Variants in DIAPH2 observed in about 807,000 individuals in gnomAD.
The protein encoded by DIAPH2 is protein diaphanous homolog 2.
Under a neutral mutation model 92.7 loss-of-function variants are expected in DIAPH2, and 35 were observed. The ratio of observed to expected loss-of-function variants is 0.38; its 90% confidence interval spans 0.29 to 0.50. DIAPH2 has a LOEUF of 0.50. DIAPH2 is among the 20% of genes least tolerant of loss of function. DIAPH2 has a pLI of 0.94. For synonymous variants in DIAPH2, 301 were observed against 280.4 expected (o/e 1.07, Z -0.73); for missense variants, 701 against 819.5 (o/e 0.86, Z 1.77).
intron 4 of DIAPH2, among the ~76,000 whole-genome samples, chrX:96,781,540 A>C (rs2064417899): frequency 9.0e-6 from 1 of 111,397 alleles, no homozygotes; most frequent in African/African-American, 3.3e-5. Flanking sequence ...TACTTTGAGT[A>C]ATTAGGATAA....
intron 26 of DIAPH2, chrX:97,449,779 A>G (rs774079468): frequency 8.0e-4 from 272 of 341,405 alleles, no homozygotes; most frequent in Non-Finnish European, 9.8e-4. Flanking sequence ...GGTGCCCTTT[A>G]GTGGGTCCCA....
chrX:97,253,692 G>T lies in DIAPH2; in HGVS notation c.2844+5853G>T, dbSNP rs755640149. Among the ~76,000 whole-genome samples the T allele has an allele frequency of 2.1e-4, 23 of 111,431 alleles. No individual in the cohort carries two copies. The East Asian group carries it at 3.1e-3, about 15-fold the overall frequency. On this transcript the variant is annotated intron_variant, in intron 23 of 26. Transcript: ENST00000324765. ...TTGAACCCGGGCAGCAGAGGTTGCA[G>T]TGAGCCGAGATTGTGCCACTGCACT... is the stretch of plus-strand genomic sequence containing the variant.
rs145504589 is a variant in DIAPH2, at chrX:97,293,097, G to C, written c.2844+45258G>C. 2.7e-4 allele frequency among the ~76,000 whole-genome samples: 30 copies of C among 110,382 alleles called. No homozygotes were observed. The East Asian group carries it at 8.6e-3, about 32-fold the overall frequency. ...GATGTGTGAGCCTACAAAAGACTTA[G>C]GCCAACAAATCTACTCTTAGAGATT... On this transcript the variant is annotated intron_variant, in intron 23 of 26. Transcript: ENST00000324765.
At chrX:96,725,246 G>A (rs1476580859) in intron 1 of DIAPH2, among the ~76,000 whole-genome samples, 5 of 111,838 alleles carry the variant, frequency 4.5e-5, no homozygotes, top group Non-Finnish European at 9.4e-5. Flanking sequence ...TCACTATGTT[G>A]AGAAAGAATC....
At chrX:97,587,954 A>G (rs1426748634) in intron 26 of DIAPH2, among the ~76,000 whole-genome samples, 3 of 111,936 alleles carry the variant, frequency 2.7e-5, no homozygotes, top group Non-Finnish European at 5.6e-5. Flanking sequence ...AAAGATGTGA[A>G]CCCATATGTA....
At chrX:96,999,537 AT>A (rs2066129100) in intron 17 of DIAPH2, among the ~76,000 whole-genome samples, 1 of 107,837 alleles carries the variant, frequency 9.3e-6, no homozygotes, top group Non-Finnish European at 1.9e-5. Flanking sequence ...AATTTCGAAT[AT>A]AGCTCTTCTG....
intron 17 of DIAPH2, among the ~76,000 whole-genome samples, chrX:97,023,852 T>C (rs187100778): frequency 2.7e-4 from 30 of 112,413 alleles, no homozygotes; most frequent in African/African-American, 9.3e-4. Flanking sequence ...TCAAATACCT[T>C]ATCTTAGCAG....
At chrX:96,864,555 G>A (rs2065092757) in intron 4 of DIAPH2, among the ~76,000 whole-genome samples, 1 of 111,776 alleles carries the variant, frequency 8.9e-6, no homozygotes, top group South Asian at 3.7e-4. Flanking sequence ...TGTTCTGAAG[G>A]CAGTGGGTAC....
chrX:97,519,497 T>A (rs1023222917), intron 26 of DIAPH2, among the ~76,000 whole-genome samples: 3 of 112,057 alleles, frequency 2.7e-5, no homozygotes, highest in Non-Finnish European at 5.6e-5. Flanking sequence ...AATGCTTAGA[T>A]GTCTTTAAAA....
chrX:97,344,408 T>A (rs769481429), intron 23 of DIAPH2, among the ~76,000 whole-genome samples: 28 of 111,781 alleles, frequency 2.5e-4, no homozygotes, highest in South Asian at 1.1e-3. Flanking sequence ...AGATCCTGTC[T>A]CTAAAAAATA....
intron 23 of DIAPH2, among the ~76,000 whole-genome samples, chrX:97,345,935 G>T (rs1315463873): frequency 9.0e-6 from 1 of 111,024 alleles, no homozygotes; most frequent in Non-Finnish European, 1.9e-5. Context: ...GTAAAAAAGG[G>T]CCATTTATAT....
chrX:96,729,481 TCACA>T (rs1402991347), intron 1 of DIAPH2, among the ~76,000 whole-genome samples: 2 of 111,800 alleles, frequency 1.8e-5, no homozygotes, highest in Non-Finnish European at 3.8e-5. Flanking sequence ...ATCAGGTTTG[TCACA>T]CACAGACTGC....
At chrX:96,995,182 A>G (rs1250995383) in intron 17 of DIAPH2, among the ~76,000 whole-genome samples, 2 of 111,526 alleles carry the variant, frequency 1.8e-5, no homozygotes, top group African/African-American at 6.5e-5. Flanking sequence ...GCTTAAAGTC[A>G]GATAAAGGCA....
intron 5 of DIAPH2, among the ~76,000 whole-genome samples, chrX:96,891,057 T>G (rs1039183435): frequency 8.9e-6 from 1 of 111,909 alleles, no homozygotes; most frequent in African/African-American, 3.2e-5. Flanking sequence ...AATTTATATA[T>G]ACTAATGTGT....
intron 17 of DIAPH2, among the ~76,000 whole-genome samples, chrX:96,995,793 A>G (rs945096392): frequency 2.8e-5 from 3 of 108,799 alleles, no homozygotes; most frequent in South Asian, 8.0e-4. Flanking sequence ...TATAGGCAGT[A>G]ATGTGTAGAA....
At chrX:96,855,553 G>C (rs2065034210) in intron 4 of DIAPH2, among the ~76,000 whole-genome samples, 1 of 108,514 alleles carries the variant, frequency 9.2e-6, no homozygotes, top group Non-Finnish European at 1.9e-5. Flanking sequence ...GATAGACTAA[G>C]ATATAAATAT....
intron 17 of DIAPH2, among the ~76,000 whole-genome samples, chrX:97,029,146 C>CTTTTTT (rs34551722): frequency 6.5e-5 from 6 of 92,684 alleles, no homozygotes; most frequent in Non-Finnish European, 8.7e-5. Flanking sequence ...TTTTCTTTTT[C>CTTTTTT]TTTTTTTTTT....
At chrX:97,220,818 C>T (rs2067918665) in intron 22 of DIAPH2, among the ~76,000 whole-genome samples, 1 of 112,039 alleles carries the variant, frequency 8.9e-6, no homozygotes, top group African/African-American at 3.2e-5. Context: ...TGTCTAACGG[C>T]TGCTTAAAAT....
At chrX:97,355,168 A>G (rs1287434651) in intron 24 of DIAPH2, among the ~76,000 whole-genome samples, 1 of 111,905 alleles carries the variant, frequency 8.9e-6, no homozygotes, top group East Asian at 2.8e-4. Flanking sequence ...CCCTTTTACA[A>G]GGCCTCAGTC....
Sources: gnomAD v4.1 joint callset for allele counts (sites outside exome capture counted in the v4.1 genomes callset) on GRCh38, gnomAD v4.1.1 for gene constraint, MANE v1.5 for transcripts, NCBI Gene and HGNC (gene_info 2026-07-23, HGNC 2026-07-21) for gene names.